SLA: variants seen among roughly 807,000 people sequenced by gnomAD.
The protein encoded by SLA is Src like adaptor.
SLA carries 16 observed loss-of-function variants against 30.3 expected under a neutral mutation model. That is an observed-to-expected ratio of 0.53 (90% confidence interval 0.36 to 0.80). The LOEUF is 0.80. Ranked by LOEUF, SLA falls within the 30% of genes least tolerant of loss-of-function variation. The probability of loss-of-function intolerance (pLI) is 0.01; values close to 1 mark genes in which losing one functional copy is unlikely to be tolerated. For missense variants in SLA, 310 were observed against 345.2 expected (o/e 0.90, Z 0.81); for synonymous variants, 143 against 137.8 (o/e 1.04, Z -0.26).
At chr8:133,069,383 G>A (rs1385804777) in intron 2 of SLA, among the ~76,000 whole-genome samples, 1 of 152,206 alleles carries the variant, frequency 6.6e-6, no homozygotes, top group East Asian at 1.9e-4. Context: ...CACTTGTCCA[G>A]GGACATGGAC....
At chr8:133,058,287 G>T (rs547373247) in intron 3 of SLA, among the ~76,000 whole-genome samples, 6 of 152,296 alleles carry the variant, frequency 3.9e-5, no homozygotes, top group African/African-American at 1.4e-4. Context: ...TGATGTGGTT[G>T]CCTGGATCAC....
intron 2 of SLA, among the ~76,000 whole-genome samples, chr8:133,071,532 A>G (rs771584177): frequency 1.3e-5 from 2 of 152,068 alleles, no homozygotes; most frequent in Non-Finnish European, 1.5e-5. Flanking sequence ...TTGTGGATAG[A>G]GCGGTGCAAT....
chr8:133,079,620 T>A (rs1845443351), intron 1 of SLA, among the ~76,000 whole-genome samples: 1 of 152,218 alleles, frequency 6.6e-6, no homozygotes, highest in Non-Finnish European at 1.5e-5. Context: ...AGCCCCATGC[T>A]GGGTCAGAGT....
intron 1 of SLA, among the ~76,000 whole-genome samples, chr8:133,088,095 C>T (rs1846896802): frequency 2.0e-5 from 3 of 152,200 alleles, no homozygotes; most frequent in Admixed American, 2.0e-4. Flanking sequence ...GAGGCGAGAG[C>T]TCTGTCTTAA....
intron 1 of SLA, among the ~76,000 whole-genome samples, chr8:133,086,985 A>G (rs1394246601): frequency 6.6e-6 from 1 of 152,144 alleles, no homozygotes; most frequent in Non-Finnish European, 1.5e-5. Flanking sequence ...ATAAGTAATG[A>G]TACAGAATGA....
At chr8:133,070,476 A>G (rs1442313926) in intron 2 of SLA, among the ~76,000 whole-genome samples, 1 of 152,226 alleles carries the variant, frequency 6.6e-6, no homozygotes, top group Non-Finnish European at 1.5e-5. Flanking sequence ...GCCCCCAAGA[A>G]CATACTGTTT....
Position 133,074,977 on chromosome 8 carries a change from G to T in SLA, c.-165C>A. On this transcript the variant is annotated 5_prime_UTR_variant, in exon 2 of 9. Transcript: ENST00000338087. ...ATAAACAGGCAGCCGGGCTTCTCGC[G>T]GTTGTGGAGAAGCAGCCCATGCTAC... The T allele has an allele frequency of 3.0e-6, 3 of 985,478 alleles. No individual in the cohort carries two copies. The South Asian group carries it at 1.4e-4, about 46-fold the overall frequency. The allele number at this position is 985,478 out of a possible 1,614,324, so 61.0% of individuals were successfully genotyped here.
chr8:133,088,741 G>C (rs59047695), intron 1 of SLA, among the ~76,000 whole-genome samples: 5,502 of 152,248 alleles, frequency 0.036, 339 homozygotes, highest in African/African-American at 0.13. Context: ...TATACCAACA[G>C]GTAGTTTTGA....
intron 1 of SLA, among the ~76,000 whole-genome samples, chr8:133,077,925 A>G (rs1040372718): frequency 1.3e-5 from 2 of 152,006 alleles, no homozygotes; most frequent in African/African-American, 4.8e-5. Context: ...AATGTGCCCT[A>G]GGGAGCAAAA....
At chr8:133,054,994 A>G (rs1352212015) in intron 3 of SLA, among the ~76,000 whole-genome samples, 2 of 152,204 alleles carry the variant, frequency 1.3e-5, no homozygotes, top group Non-Finnish European at 2.9e-5. Flanking sequence ...GCCCTACAGA[A>G]AATACGTGAT....
chr8:133,056,126 A>G (rs1228493457), intron 3 of SLA, among the ~76,000 whole-genome samples: 1 of 152,192 alleles, frequency 6.6e-6, no homozygotes, highest in African/African-American at 2.4e-5. Flanking sequence ...CTCCTTTGAC[A>G]TAGTTGACAG....
intron 1 of SLA, among the ~76,000 whole-genome samples, chr8:133,081,256 C>T (rs551018907): frequency 6.6e-6 from 1 of 152,356 alleles, no homozygotes; most frequent in Admixed American, 6.5e-5. Flanking sequence ...GAGCCTAGCA[C>T]AGAGGCTATC....
intron 3 of SLA, among the ~76,000 whole-genome samples, chr8:133,054,449 TG>T (rs1391598658): frequency 2.0e-5 from 3 of 152,214 alleles, no homozygotes; most frequent in Non-Finnish European, 2.9e-5. Context: ...TTAACTAATC[TG>T]AGCTTGATTT....
intron 5 of SLA, chr8:133,049,442 A>G (rs975869382): frequency 1.8e-5 from 5 of 271,862 alleles, no homozygotes; most frequent in African/African-American, 1.1e-4. Context: ...CTTTGATCAT[A>G]TTATCATATA....
At chr8:133,050,152 T>C in intron 4 of SLA, 164 bp from the exon 5 acceptor site, 1 of 640,946 alleles carries the variant, frequency 1.6e-6, no homozygotes, top group Non-Finnish European at 2.8e-6. Flanking sequence ...GAAAATTTTC[T>C]TTTTAAAGGA....
chr8:133,040,166 G>A (rs200640742), intron 7 of SLA, 36 bp from the exon 8 acceptor site: 214 of 1,564,300 alleles, frequency 1.4e-4, no homozygotes, highest in Non-Finnish European at 1.8e-4. Context: ...CAGGGACCCT[G>A]GGGACGCCTC....
At chr8:133,084,208 T>C (rs1373855007) in intron 1 of SLA, among the ~76,000 whole-genome samples, 1 of 152,124 alleles carries the variant, frequency 6.6e-6, no homozygotes, top group African/African-American at 2.4e-5. Context: ...GTCTAGGGGC[T>C]ACTGGAAGGA....
At chr8:133,053,360 G>A (rs1840785009) in intron 3 of SLA, among the ~76,000 whole-genome samples, 1 of 152,214 alleles carries the variant, frequency 6.6e-6, no homozygotes, top group Non-Finnish European at 1.5e-5. Flanking sequence ...TGTAGCCTGT[G>A]CCACACCTGT....
At chr8:133,050,668 G>A in intron 4 of SLA, 148 bp downstream of exon 4, 1 of 614,678 alleles carries the variant, frequency 1.6e-6, no homozygotes, top group South Asian at 1.9e-5. Context: ...TAAAGAGGAA[G>A]GTTGCAGTAT....
Sources: allele counts gnomAD v4.1 joint callset (sites outside exome capture counted in the v4.1 genomes callset), GRCh38; gene constraint gnomAD v4.1.1; transcripts MANE v1.5; gene names NCBI Gene and HGNC (gene_info 2026-07-23, HGNC 2026-07-21).